The following PCDH15 variants were observed in gnomAD, a reference collection of about 807,000 sequenced individuals.
PCDH15 encodes protocadherin-15.
Under a neutral mutation model 178.5 loss-of-function variants are expected in PCDH15, and 129 were observed. The ratio of observed to expected loss-of-function variants is 0.72; its 90% CI spans 0.63 to 0.84. The LOEUF is 0.84. Ranked by LOEUF, PCDH15 falls within the 40% of genes least tolerant of loss-of-function variation. The pLI is 0.00. For synonymous variants in PCDH15, 800 were observed against 732.0 expected (o/e 1.09, Z -1.50); for missense variants, 2,230 against 2,099.9 (o/e 1.06, Z -1.21).
At chr10:55,193,296 T>A (rs193290300) in intron 1 of PCDH15, among the ~76,000 whole-genome samples, 1 of 152,082 alleles carries the variant, frequency 6.6e-6, no homozygotes, top group Admixed American at 6.5e-5. Context: ...TATGAAACTG[T>A]AACACAATAT....
intron 29 of PCDH15, among the ~76,000 whole-genome samples, chr10:53,837,688 A>G (rs574688979): frequency 3.0e-4 from 46 of 152,136 alleles, no homozygotes; most frequent in African/African-American, 1.1e-3. Context: ...TAAATAACCA[A>G]TAACTCTCAC....
chr10:54,359,362 T>C (rs1945617933), intron 5 of PCDH15, among the ~76,000 whole-genome samples: 1 of 152,016 alleles, frequency 6.6e-6, no homozygotes, highest in African/African-American at 2.4e-5. Flanking sequence ...AAAAATGTAC[T>C]ATATTAATTT....
chr10:55,493,607 C>T (rs992139537), intron 2 of PCDH15, among the ~76,000 whole-genome samples: 1 of 150,842 alleles, frequency 6.6e-6, no homozygotes, highest in African/African-American at 2.4e-5. Flanking sequence ...AGAAGGATGA[C>T]ATATTCAAAG....
intron 3 of PCDH15, among the ~76,000 whole-genome samples, chr10:54,411,758 A>G (rs1026888875): frequency 3.3e-5 from 5 of 152,144 alleles, no homozygotes; most frequent in Admixed American, 6.6e-5. Context: ...TCTCCAGTAA[A>G]CAAGAAAATG....
At chr10:55,544,502 T>C (rs1841836266) in intron 2 of PCDH15, among the ~76,000 whole-genome samples, 1 of 152,088 alleles carries the variant, frequency 6.6e-6, no homozygotes. Flanking sequence ...AATCAGGGCA[T>C]AAAGATCATT....
chr10:54,096,251 C>T lies in PCDH15; in HGVS notation c.1918-6188G>A, dbSNP rs1457171643. Among the ~76,000 whole-genome samples, 8 of 151,744 alleles carry T rather than the reference C, an allele frequency of 5.3e-5. No homozygotes were observed. The East Asian group carries it at 1.6e-3, about 30-fold the overall frequency. ...CAACACCAAGTTCTTCTTAAGAACCCTAATTTCCCAGTATCCCTTTTGATT... is the reference window on the plus strand; with the variant it reads ...CAACACCAAGTTCTTCTTAAGAACCTTAATTTCCCAGTATCCCTTTTGATT... On this transcript the variant is annotated intron_variant, in intron 15 of 37. Transcript: ENST00000644397.
intron 27 of PCDH15, among the ~76,000 whole-genome samples, chr10:53,858,602 A>G (rs2078907391): frequency 6.6e-6 from 1 of 152,196 alleles, no homozygotes; most frequent in Non-Finnish European, 1.5e-5. Context: ...CCATTGTGTG[A>G]GCATGATCAA....
chr10:55,411,165 G>A (rs1278098133), intron 2 of PCDH15, among the ~76,000 whole-genome samples: 2 of 152,010 alleles, frequency 1.3e-5, no homozygotes, highest in Non-Finnish European at 2.9e-5. Flanking sequence ...AACACTAGTG[G>A]AATCTTTCCT....
intron 3 of PCDH15, among the ~76,000 whole-genome samples, chr10:54,866,691 G>A (rs1953948420): frequency 6.6e-6 from 1 of 152,094 alleles, no homozygotes; most frequent in Non-Finnish European, 1.5e-5. Flanking sequence ...GCATCCAGAT[G>A]TATAAGCAGT....
chr10:54,471,482 A>G (rs2077914618), intron 3 of PCDH15, among the ~76,000 whole-genome samples: 2 of 152,102 alleles, frequency 1.3e-5, no homozygotes, highest in Admixed American at 6.6e-5. Context: ...TACTCATACA[A>G]TGTCTTATAT....
At chr10:53,815,834 TAA>T (rs2076042178) in intron 35 of PCDH15, among the ~76,000 whole-genome samples, 1 of 152,152 alleles carries the variant, frequency 6.6e-6, no homozygotes, top group South Asian at 2.1e-4. Context: ...TTGAATCACA[TAA>T]AATGATATTT....
Position 55,354,253 on chromosome 10 carries a change from C to T in PCDH15, c.-155-187602G>A, listed in dbSNP as rs1250193972. Among the ~76,000 whole-genome samples, 8 of 152,124 alleles carry T rather than the reference C, an allele frequency of 5.3e-5. No homozygotes were observed. The South Asian group carries it at 6.2e-4, about 12-fold the overall frequency. ...GTAACCAACCTCTGCCTCTATCACC[C>T]CATTACTCTGATCCCTGAAAACAAT... is the stretch of plus-strand genomic sequence containing the variant. On this transcript the variant is annotated intron_variant, in intron 2 of 5. Coordinates refer to the PCDH15 transcript ENST00000613346.
intron 1 of PCDH15, among the ~76,000 whole-genome samples, chr10:54,770,206 T>C (rs1327806079): frequency 6.6e-6 from 1 of 152,126 alleles, no homozygotes; most frequent in African/African-American, 2.4e-5. Context: ...AGAATCCCCT[T>C]TTAATGAGTT....
At chr10:53,940,727 T>C (rs1473156612) in intron 24 of PCDH15, 139 bp downstream of exon 24, 50 of 702,230 alleles carry the variant, frequency 7.1e-5, no homozygotes, top group Non-Finnish European at 2.0e-5. Context: ...TCAGGATACA[T>C]GGTTAACAAT....
intron 15 of PCDH15, among the ~76,000 whole-genome samples, chr10:54,106,282 T>C (rs955056501): frequency 6.6e-6 from 1 of 152,230 alleles, no homozygotes; most frequent in African/African-American, 2.4e-5. Context: ...ATGAATTATA[T>C]CTTAATATAG....
intron 3 of PCDH15, among the ~76,000 whole-genome samples, chr10:54,427,800 A>C (rs909469072): frequency 2.0e-5 from 3 of 152,130 alleles, no homozygotes; most frequent in African/African-American, 7.2e-5. Context: ...ACCTAGTAAA[A>C]ACTAAAGAGG....
intron 2 of PCDH15, among the ~76,000 whole-genome samples, chr10:55,527,861 T>A (rs939501870): frequency 6.6e-6 from 1 of 152,048 alleles, no homozygotes; most frequent in Non-Finnish European, 1.5e-5. Flanking sequence ...TATTGTTTTT[T>A]CTTCTGACAA....
At chr10:54,366,765 T>A (rs139546532) in intron 5 of PCDH15, among the ~76,000 whole-genome samples, 1 of 151,208 alleles carries the variant, frequency 6.6e-6, no homozygotes, top group African/African-American at 2.4e-5. Context: ...AAATCAAAGG[T>A]GAAAAATATG....
At chr10:54,129,087 A>G (rs527797365) in intron 15 of PCDH15, among the ~76,000 whole-genome samples, 2 of 152,158 alleles carry the variant, frequency 1.3e-5, no homozygotes, top group Non-Finnish European at 2.9e-5. Context: ...TCCATTTCTG[A>G]GTCTCATTCT....
Sources: gnomAD v4.1 joint callset for allele counts (sites outside exome capture counted in the v4.1 genomes callset) on GRCh38, gnomAD v4.1.1 for gene constraint, MANE v1.5 for transcripts, NCBI Gene and HGNC (gene_info 2026-07-23, HGNC 2026-07-21) for gene names.